Variants in COPG1 observed in about 807,000 individuals in gnomAD.
The protein encoded by COPG1 is coat protein complex I subunit gamma 1.
Under a neutral mutation model 102.8 loss-of-function variants are expected in COPG1, and 29 were observed. The observed-to-expected ratio is 0.28, with a 90% CI of 0.21 to 0.38. The LOEUF (loss-of-function observed/expected upper bound fraction) is 0.38. COPG1 is among the 10% of genes least tolerant of loss of function. The pLI, the probability that COPG1 is intolerant of heterozygous loss-of-function variation, is 1.00. For synonymous variants in COPG1, 406 were observed against 421.6 expected (o/e 0.96, Z 0.45); for missense variants, 875 against 1,132.7 (o/e 0.77, Z 3.27).
chr3:129,255,040 T>G lies in COPG1; in HGVS notation c.455T>G (p.Val152Gly). The G allele has an allele frequency of 6.2e-7, 1 of 1,614,168 alleles. No homozygotes were observed. The highest frequency in any genetic ancestry group is 8.5e-7 in the Non-Finnish European group (1 of 1,179,996). ...RYMKQAIVDK[V>G]PSVSSSALVS... ...ATGAAACAAGCCATTGTGGACAAGG[T>G]GCCCAGTGTCTCCAGCTCTGCCCTC... The change falls in exon 7 of 24, where the codon GTG (valine) becomes GGG (glycine). Residue 152 changes from valine to glycine, a missense_variant. Physicochemically the swap from Val to Gly is moderately radical, Grantham distance 109. Transcript: ENST00000314797.
chr3:129,264,616 T>C (rs4927939), intron 13 of COPG1, among the ~76,000 whole-genome samples: 34,240 of 151,992 alleles, frequency 0.23, 6,512 homozygotes, highest in African/African-American at 0.52. Flanking sequence ...TTTAGTGAGT[T>C]GTCAGCTAAT....
intron 16 of COPG1, 74 bp downstream of exon 16, chr3:129,268,114 G>T (rs1235542557): frequency 1.1e-5 from 14 of 1,291,546 alleles, no homozygotes; most frequent in Admixed American, 1.9e-5. Flanking sequence ...CTGGGCAGGG[G>T]AAATCAGAGG....
At chr3:129,256,789 C>A (rs1367029234) in intron 8 of COPG1, among the ~76,000 whole-genome samples, 1 of 152,202 alleles carries the variant, frequency 6.6e-6, no homozygotes, top group Non-Finnish European at 1.5e-5. Flanking sequence ...CAGCTGTGGC[C>A]CCTCAAAACA....
chr3:129,269,535 G>C (rs1253090435), intron 18 of COPG1, among the ~76,000 whole-genome samples: 5 of 152,000 alleles, frequency 3.3e-5, no homozygotes, highest in Non-Finnish European at 7.4e-5. Flanking sequence ...TTCCATCCTA[G>C]CTCTTCTGTC....
chr3:129,249,786 C>T (rs769169170), intron 1 of COPG1, 40 bp downstream of exon 1: 17 of 1,530,218 alleles, frequency 1.1e-5, no homozygotes, highest in Admixed American at 4.0e-5. Flanking sequence ...GGCCGGACCC[C>T]CACCCGCCGA....
intron 15 of COPG1, among the ~76,000 whole-genome samples, chr3:129,267,596 G>C (rs1940091322): frequency 6.6e-6 from 1 of 152,052 alleles, no homozygotes; most frequent in Non-Finnish European, 1.5e-5. Flanking sequence ...TTCCAGCCTG[G>C]GTGACAGAGC....
In COPG1 at chr3:129,275,967, C is replaced by T. The variant is rs371204921; in HGVS notation, c.2494+675C>T. Among the ~76,000 whole-genome samples, 431 of 137,778 alleles carry T rather than the reference C, an allele frequency of 3.1e-3. 2 individuals are homozygous for T. The highest frequency in any genetic ancestry group is 0.013 in the African/African-American group (393 of 29,814). 90.4% of individuals were successfully genotyped at this position (137,778 alleles called of 152,430 possible). On this transcript the variant is annotated intron_variant, in intron 23 of 23. Coordinates refer to ENST00000314797, the MANE Select transcript of COPG1 (RefSeq NM_016128.4). This position sits in a 1 kb window ranked among gnomAD's most constrained non-coding sequence, Gnocchi z 5.0. Reference sequence around the variant, plus strand: ...TATTACAGATGTTACAGTAAATAATCGTGTACACACACACACACACACACA... The same window carrying T: ...TATTACAGATGTTACAGTAAATAATTGTGTACACACACACACACACACACA...
intron 20 of COPG1, 119 bp from the exon 21 acceptor site, chr3:129,272,688 A>G: frequency 1.5e-6 from 1 of 646,014 alleles, no homozygotes. Context: ...TGCTGCTACT[A>G]ATAACATAGC....
intron 11 of COPG1, 50 bp from the exon 12 acceptor site, chr3:129,260,569 A>G (rs1939906202): frequency 1.3e-6 from 2 of 1,590,292 alleles, no homozygotes; most frequent in African/African-American, 2.7e-5. Flanking sequence ...CATCAAATGT[A>G]GTGACAGCAT....
In COPG1 at chr3:129,264,018, C is replaced by T. The variant is rs138974815; in HGVS notation, c.1224+19C>T. On this transcript the variant is annotated intron_variant, in intron 13 of 23. Coordinates refer to ENST00000314797, the MANE Select transcript of COPG1 (RefSeq NM_016128.4). Reference sequence around the variant, plus strand: ...GGAAGAGGTAAGAGTCAGGGGCATTCGGGGGATGCCAGGTCTCCTGGTGCA... The same window carrying T: ...GGAAGAGGTAAGAGTCAGGGGCATTTGGGGGATGCCAGGTCTCCTGGTGCA... 0.013 allele frequency: 21,330 copies of T among 1,601,394 alleles called. 306 individuals are homozygous for T. The highest frequency in any genetic ancestry group is 0.018 in the South Asian group (1,640 of 90,820).
chr3:129,268,054 T>G lies in COPG1; in HGVS notation c.1648+14T>G, dbSNP rs760379605. The G allele has an allele frequency of 6.3e-7, 1 of 1,596,668 alleles. No individual in the cohort carries two copies. Among genetic ancestry groups the G allele is most frequent in the South Asian group, 1.1e-5 (1 of 90,474 alleles). ...ATATCCTAAATGGTGAGTCATTCCC[T>G]GGCTATCTTGGACTCAGCACCTTAC... On this transcript the variant is annotated intron_variant, in intron 16 of 23. Transcript: ENST00000314797.
intron 6 of COPG1, 71 bp from the exon 7 acceptor site, chr3:129,254,914 C>G: frequency 1.5e-6 from 2 of 1,333,390 alleles, no homozygotes; most frequent in Non-Finnish European, 2.2e-6. Context: ...ATCTCTGCCC[C>G]CATTCCTGCA....
At chr3:129,272,179 CT>C in intron 19 of COPG1, 64 bp from the exon 20 acceptor site, 1 of 1,465,462 alleles carries the variant, frequency 6.8e-7, no homozygotes, top group Non-Finnish European at 9.5e-7. Flanking sequence ...GACCTCCTGG[CT>C]TTTCCTCTGC....
chr3:129,256,384 T>G (rs1560063098), intron 8 of COPG1, among the ~76,000 whole-genome samples: 1 of 152,272 alleles, frequency 6.6e-6, no homozygotes, highest in African/African-American at 2.4e-5. Flanking sequence ...TGCTGAAATA[T>G]TCAAGTATTT....
At chr3:129,262,642 G>A (rs1303419833) in intron 12 of COPG1, among the ~76,000 whole-genome samples, 1 of 151,696 alleles carries the variant, frequency 6.6e-6, no homozygotes, top group East Asian at 1.9e-4. Flanking sequence ...AGGATCACTT[G>A]AACCCAGGAG....
chr3:129,249,655 C>A lies in COPG1; in HGVS notation c.-55C>A. ...GTAGAACCACTGTGGCACCGCTACTCCGTGCCGCGCCCGTCGAGCATTGCG... is the reference window on the plus strand; with the variant it reads ...GTAGAACCACTGTGGCACCGCTACTACGTGCCGCGCCCGTCGAGCATTGCG... On this transcript the variant is annotated 5_prime_UTR_variant, in exon 1 of 24. Transcript: ENST00000314797. 1.3e-6 allele frequency: 2 copies of A among 1,546,690 alleles called. No individual in the cohort carries two copies. Among genetic ancestry groups the A allele is most frequent in the Non-Finnish European group, 8.7e-7 (1 of 1,143,860 alleles).
At chr3:129,273,325 A>G (rs1318454071) in intron 21 of COPG1, among the ~76,000 whole-genome samples, 1 of 152,234 alleles carries the variant, frequency 6.6e-6, no homozygotes, top group East Asian at 1.9e-4. Context: ...CGCCCGGCCT[A>G]AAATAACTTT....
At chr3:129,255,164 AGT>A (rs1362530750) in intron 7 of COPG1, 87 bp downstream of exon 7, 2 of 868,668 alleles carry the variant, frequency 2.3e-6, no homozygotes, top group East Asian at 5.0e-5. Flanking sequence ...GAAAAAAGAA[AGT>A]GTTTCTTTCT....
Position 129,275,195 on chromosome 3 carries a change from G to A in COPG1, c.2397G>A (p.Glu799=). Residue 799 remains glutamate (E), a splice_region_variant and synonymous_variant, in exon 23 of 24, where the codon GAG becomes GAA. Coordinates refer to ENST00000314797, the MANE Select transcript of COPG1 (RefSeq NM_016128.4). The surrounding 1 kb of genome is among the most constrained non-coding windows in gnomAD (Gnocchi z 5.0). ...CAATATTGGGATTTCTCATTACAGA[G>A]GCTGTGGGTAATATTGTGAAGTTCT... The part of the protein sequence containing the change: ...FTLSTIKTLE[E]AVGNIVKFLG... 1 of 1,613,712 alleles carries A rather than the reference G, an allele frequency of 6.2e-7. No individual in the cohort carries two copies. The highest frequency in any genetic ancestry group is 8.5e-7 in the Non-Finnish European group (1 of 1,179,616).
Sources: gnomAD v4.1 joint callset for allele counts (sites outside exome capture counted in the v4.1 genomes callset) on GRCh38, gnomAD v4.1.1 for gene constraint, Gnocchi (gnomAD v3.1) non-coding constraint, MANE v1.5 for transcripts, NCBI Gene and HGNC (gene_info 2026-07-23, HGNC 2026-07-21) for gene names.